Variants in CTNNA3 observed in about 807,000 individuals in gnomAD.
The protein encoded by CTNNA3 is catenin alpha-3.
A neutral mutation model predicts 95.7 loss-of-function variants in CTNNA3; 76 were observed. The ratio of observed to expected loss-of-function variants is 0.79; its 90% CI spans 0.66 to 0.96. CTNNA3 has a LOEUF of 0.96. CTNNA3 is among the 40% of genes least tolerant of loss of function. The pLI, the probability that CTNNA3 is intolerant of heterozygous loss-of-function variation, is 0.00. For synonymous variants in CTNNA3, 431 were observed against 374.4 expected, an observed-to-expected ratio of 1.15 and a Z score of -1.74; for missense variants, 1,191 against 1,089.8, an observed-to-expected ratio of 1.09 and a Z score of -1.31.
chr10:67,742,905 A>T (rs1841350679), intron 1 of CTNNA3, among the ~76,000 whole-genome samples: 1 of 151,424 alleles, frequency 6.6e-6, no homozygotes, highest in Non-Finnish European at 1.5e-5. Flanking sequence ...AATCTAGAAG[A>T]AATGGATAAA....
At chr10:66,699,666 C>CTT (rs10627549) in intron 9 of CTNNA3, among the ~76,000 whole-genome samples, 4,810 of 146,334 alleles carry the variant, frequency 0.033, 200 homozygotes, top group East Asian at 0.22. Context: ...TGATATTTAC[C>CTT]TTTTTTTTTT....
chr10:66,416,909 G>A (rs1479690761), intron 11 of CTNNA3, among the ~76,000 whole-genome samples: 2 of 151,814 alleles, frequency 1.3e-5, no homozygotes, highest in Non-Finnish European at 2.9e-5. Flanking sequence ...AAAAAGATAG[G>A]GCTCAAATAC....
At chr10:66,183,585 G>A (rs1438471351) in intron 13 of CTNNA3, among the ~76,000 whole-genome samples, 3 of 152,314 alleles carry the variant, frequency 2.0e-5, no homozygotes, top group East Asian at 3.9e-4. Context: ...TGGGCATTGG[G>A]TTGGGGTTAA....
At chr10:67,214,500 T>C (rs1306309765) in intron 6 of CTNNA3, among the ~76,000 whole-genome samples, 2 of 152,010 alleles carry the variant, frequency 1.3e-5, no homozygotes, top group Non-Finnish European at 1.5e-5. Flanking sequence ...ACATAGTTAT[T>C]AATCATTTAT....
At chr10:67,762,384 A>C (rs10762177) in intron 1 of CTNNA3, among the ~76,000 whole-genome samples, 11,836 of 124,200 alleles carry the variant, frequency 0.095, 578 homozygotes, top group East Asian at 0.26. Flanking sequence ...TCCCCCCCCC[A>C]AAAAAAAAAA....
At chr10:67,158,311 A>G (rs1258000105) in intron 7 of CTNNA3, among the ~76,000 whole-genome samples, 1 of 152,200 alleles carries the variant, frequency 6.6e-6, no homozygotes, top group Admixed American at 6.5e-5. Context: ...CTTAGACACA[A>G]GATGGCTCAT....
At chr10:66,107,659 C>T (rs2081960974) in intron 13 of CTNNA3, among the ~76,000 whole-genome samples, 1 of 151,940 alleles carries the variant, frequency 6.6e-6, no homozygotes. Context: ...GAGTTCAATC[C>T]TTTCTATAGA....
chr10:66,912,987 C>T (rs1382841912), intron 7 of CTNNA3, among the ~76,000 whole-genome samples: 1 of 151,848 alleles, frequency 6.6e-6, no homozygotes, highest in East Asian at 1.9e-4. Flanking sequence ...TGCCTGTAAT[C>T]CCAGCACTTT....
At chr10:67,706,920 AG>A (rs1411590077) in intron 1 of CTNNA3, among the ~76,000 whole-genome samples, 1 of 152,148 alleles carries the variant, frequency 6.6e-6, no homozygotes, top group African/African-American at 2.4e-5. Flanking sequence ...TGTCCCAAAA[AG>A]GAGCTCTTGA....
At chr10:67,256,526 C>T (rs988220473) in intron 5 of CTNNA3, among the ~76,000 whole-genome samples, 4 of 152,092 alleles carry the variant, frequency 2.6e-5, no homozygotes, top group Admixed American at 6.6e-5. Flanking sequence ...TGATCATTAC[C>T]AGATGGTTTA....
intron 7 of CTNNA3, among the ~76,000 whole-genome samples, chr10:67,076,993 G>C (rs1265716387): frequency 1.3e-5 from 2 of 152,156 alleles, no homozygotes; most frequent in East Asian, 3.9e-4. Context: ...AACTTGCATT[G>C]TCTCTTGTTT....
chr10:67,073,593 A>G (rs1340776928), intron 7 of CTNNA3, among the ~76,000 whole-genome samples: 1 of 152,176 alleles, frequency 6.6e-6, no homozygotes, highest in African/African-American at 2.4e-5. Flanking sequence ...AGTCATATTA[A>G]AAAAACAGAG....
intron 13 of CTNNA3, among the ~76,000 whole-genome samples, chr10:66,143,519 A>C (rs1291465933): frequency 2.6e-5 from 4 of 152,114 alleles, no homozygotes; most frequent in Non-Finnish European, 5.9e-5. Context: ...TCTTGTTTCT[A>C]CTCACAATTA....
intron 12 of CTNNA3, among the ~76,000 whole-genome samples, chr10:66,346,246 T>TATATAGAGAGAGAGAGAGAG (rs1416945569): frequency 7.2e-5 from 2 of 27,798 alleles, no homozygotes; most frequent in Admixed American, 3.6e-4. Context: ...TATATATATA[T>TATATAGAGAGAGAGAGAGAG]AGAGAGAGAG....
intron 16 of CTNNA3, among the ~76,000 whole-genome samples, chr10:65,982,685 GTA>G (rs201980939): frequency 6.7e-6 from 1 of 148,868 alleles, no homozygotes; most frequent in Non-Finnish European, 1.5e-5. Context: ...GTGTGTGTAT[GTA>G]TATATATATG....
intron 11 of CTNNA3, among the ~76,000 whole-genome samples, chr10:66,518,483 T>C (rs1840941248): frequency 6.6e-6 from 1 of 152,072 alleles, no homozygotes; most frequent in Admixed American, 6.6e-5. Context: ...AAAAGGCTTT[T>C]CCAATATAAG....
At chr10:66,965,515 C>T (rs557035894) in intron 7 of CTNNA3, among the ~76,000 whole-genome samples, 2 of 140,082 alleles carry the variant, frequency 1.4e-5, no homozygotes, top group South Asian at 4.5e-4. Flanking sequence ...AGCCTGGCGA[C>T]AGAGCAAGAC....
intron 9 of CTNNA3, among the ~76,000 whole-genome samples, chr10:66,683,347 A>G (rs1040739155): frequency 6.6e-6 from 1 of 152,210 alleles, no homozygotes; most frequent in Admixed American, 6.5e-5. Context: ...GTAGACTAGC[A>G]GAAAGTTTCA....
At chr10:66,972,337 T>TA (rs1849766383) in intron 7 of CTNNA3, among the ~76,000 whole-genome samples, 1 of 152,144 alleles carries the variant, frequency 6.6e-6, no homozygotes, top group African/African-American at 2.4e-5. Flanking sequence ...TACATTTTTT[T>TA]AGAGATGAAA....
Sources: gnomAD v4.1 joint callset for allele counts (sites outside exome capture counted in the v4.1 genomes callset) on GRCh38, gnomAD v4.1.1 for gene constraint, MANE v1.5 for transcripts, NCBI Gene and HGNC (gene_info 2026-07-23, HGNC 2026-07-21) for gene names.